The following PARD3B variants were observed in gnomAD, a reference collection of about 807,000 sequenced individuals.
PARD3B encodes the protein par-3 family cell polarity regulator beta.
Under a neutral mutation model 130.2 loss-of-function variants are expected in PARD3B, and 103 were observed. The observed-to-expected ratio is 0.79, with a 90% CI of 0.67 to 0.93. The LOEUF (loss-of-function observed/expected upper bound fraction) is 0.93. Ranked by LOEUF, PARD3B falls within the 40% of genes least tolerant of loss-of-function variation. PARD3B has a pLI of 0.00. For missense variants in PARD3B, 1,609 were observed against 1,499.2 expected, an observed-to-expected ratio of 1.07 and a Z score of -1.21; for synonymous variants, 583 against 553.2, an observed-to-expected ratio of 1.05 and a Z score of -0.76.
At chr2:204,945,749 A>G (rs948161484) in intron 2 of PARD3B, among the ~76,000 whole-genome samples, 2 of 152,198 alleles carry the variant, frequency 1.3e-5, no homozygotes, top group South Asian at 4.1e-4. Flanking sequence ...ACCCAGTACA[A>G]ATATTGGGAA....
In PARD3B at chr2:205,352,930, G is replaced by C. The variant is rs1303843668; in HGVS notation, c.2631-48083G>C. ...CACATCATATGGAGAAAGAACCAAT[G>C]TTTCATCTTTCTGTTTTTCAGAAGT... On this transcript the variant is annotated intron_variant, in intron 18 of 22. Coordinates refer to ENST00000406610, the MANE Select transcript of PARD3B (RefSeq NM_001302769.2). The surrounding 1 kb of genome is among the most constrained non-coding windows in gnomAD (Gnocchi z 5.2). Among the ~76,000 whole-genome samples the C allele has an allele frequency of 2.0e-5, 3 of 152,134 alleles. No individual in the cohort carries two copies. The highest frequency in any genetic ancestry group is 2.9e-5 in the Non-Finnish European group (2 of 68,026).
intron 19 of PARD3B, among the ~76,000 whole-genome samples, chr2:205,412,093 TG>T (rs1458877854): frequency 1.3e-5 from 2 of 151,908 alleles, no homozygotes; most frequent in African/African-American, 4.8e-5. Flanking sequence ...GGGATGAAAA[TG>T]TCCTTTTCTT....
chr2:205,458,761 A>G lies in PARD3B; in HGVS notation c.3044+18089A>G, dbSNP rs577834333. ...CATTTGGTCTTATCTCCTGGTATGCATATTTTTGATCAAATGCTAGACACA... is the reference window on the plus strand; with the variant it reads ...CATTTGGTCTTATCTCCTGGTATGCGTATTTTTGATCAAATGCTAGACACA... On this transcript the variant is annotated intron_variant, in intron 20 of 22. Coordinates refer to ENST00000406610, the MANE Select transcript of PARD3B (RefSeq NM_001302769.2). The surrounding 1 kb of genome is among the most constrained non-coding windows in gnomAD (Gnocchi z 4.8). 5.9e-5 allele frequency among the ~76,000 whole-genome samples: 9 copies of G among 152,244 alleles called. No homozygotes were observed. Among genetic ancestry groups the G allele is most frequent in the African/African-American group, 1.9e-4 (8 of 41,546 alleles).
intron 22 of PARD3B, among the ~76,000 whole-genome samples, chr2:205,565,525 T>C (rs986128592): frequency 6.6e-6 from 1 of 152,218 alleles, no homozygotes; most frequent in African/African-American, 2.4e-5. Context: ...GCCAAGATAA[T>C]GTGAAGACTC....
At chr2:204,628,572 A>G (rs1213190245) in intron 1 of PARD3B, among the ~76,000 whole-genome samples, 1 of 152,168 alleles carries the variant, frequency 6.6e-6, no homozygotes, top group Non-Finnish European at 1.5e-5. Context: ...ACACATAAGC[A>G]ATTATATTCA....
chr2:205,340,495 A>C (rs1201928956), intron 18 of PARD3B, among the ~76,000 whole-genome samples: 1 of 152,084 alleles, frequency 6.6e-6, no homozygotes, highest in Non-Finnish European at 1.5e-5. Context: ...ATATACATTC[A>C]GGAAGGGACA....
chr2:204,979,303 G>A (rs1408189869), intron 3 of PARD3B, among the ~76,000 whole-genome samples: 1 of 152,148 alleles, frequency 6.6e-6, no homozygotes. Flanking sequence ...CTAGAGTAAA[G>A]GCTGGGATGA....
intron 3 of PARD3B, among the ~76,000 whole-genome samples, chr2:205,014,993 C>T (rs763182642): frequency 2.6e-5 from 4 of 152,058 alleles, no homozygotes; most frequent in Admixed American, 6.6e-5. Flanking sequence ...AGTTGACTGT[C>T]GAACAATGTG....
At chr2:205,605,867 A>C (rs1052378589) in intron 22 of PARD3B, among the ~76,000 whole-genome samples, 2 of 152,204 alleles carry the variant, frequency 1.3e-5, no homozygotes, top group East Asian at 3.9e-4. Context: ...CTGCTGATCC[A>C]TGGAGATCAC....
At chr2:204,752,358 C>T (rs993790663) in intron 2 of PARD3B, among the ~76,000 whole-genome samples, 3 of 152,142 alleles carry the variant, frequency 2.0e-5, no homozygotes, top group Non-Finnish European at 4.4e-5. Flanking sequence ...TAAAGTGCCA[C>T]ATAAGTAAGC....
intron 2 of PARD3B, among the ~76,000 whole-genome samples, chr2:204,810,709 C>T (rs2042933543): frequency 6.6e-6 from 1 of 152,034 alleles, no homozygotes; most frequent in African/African-American, 2.4e-5. Flanking sequence ...GTTCAGTTTG[C>T]CAGCATTTTG....
chr2:205,244,928 C>A lies in PARD3B; in HGVS notation c.2141-850C>A, dbSNP rs749490549. ...CCCTGTGTGAACTTCGGATGCTGTTCCTCTTCCAGTTTGGAATGGTTCTTT... is the reference window on the plus strand; with the variant it reads ...CCCTGTGTGAACTTCGGATGCTGTTACTCTTCCAGTTTGGAATGGTTCTTT... On this transcript the variant is annotated intron_variant, in intron 15 of 22. Transcript: ENST00000406610. This position sits in a 1 kb window ranked among gnomAD's most constrained non-coding sequence, Gnocchi z 4.7. 2.0e-5 allele frequency among the ~76,000 whole-genome samples: 3 copies of A among 152,188 alleles called. No homozygotes were observed. Among genetic ancestry groups the A allele is most frequent in the Non-Finnish European group, 2.9e-5 (2 of 68,040 alleles).
At chr2:205,004,581 A>G (rs1575536553) in intron 3 of PARD3B, among the ~76,000 whole-genome samples, 1 of 152,224 alleles carries the variant, frequency 6.6e-6, no homozygotes, top group East Asian at 1.9e-4. Flanking sequence ...AATATTAGGA[A>G]GGCAGAGGAA....
At chr2:205,003,131 G>A (rs1166043764) in intron 3 of PARD3B, among the ~76,000 whole-genome samples, 4 of 152,166 alleles carry the variant, frequency 2.6e-5, no homozygotes, top group Admixed American at 1.3e-4. Flanking sequence ...CTTCAAAGCC[G>A]GCAATGGCCG....
intron 18 of PARD3B, among the ~76,000 whole-genome samples, chr2:205,365,382 G>GA (rs11401922): frequency 0.24 from 33,837 of 143,948 alleles, 5,866 homozygotes; most frequent in African/African-American, 0.5. Context: ...CTCCGTCTCA[G>GA]AAAAAAAAAA....
intron 1 of PARD3B, among the ~76,000 whole-genome samples, chr2:204,585,273 C>A (rs900593424): frequency 1.3e-5 from 2 of 152,156 alleles, no homozygotes; most frequent in Non-Finnish European, 2.9e-5. Context: ...TGTGGTCTTT[C>A]TAATGTACTG....
At position 204,728,042 on chromosome 2, in the gene PARD3B, G is replaced by A. The variant is rs370025924; in HGVS notation, c.222+41760G>A. On this transcript the variant is annotated intron_variant, in intron 2 of 22. Coordinates refer to ENST00000406610, the MANE Select transcript of PARD3B (RefSeq NM_001302769.2). ...GGGCTGGTTTCTGTTTAGCCCTTAG[G>A]GAAGAAAGCCTAAAGGCACTTAGCG... 5.4e-4 allele frequency among the ~76,000 whole-genome samples: 82 copies of A among 152,176 alleles called. 1 individual carries two copies. Among genetic ancestry groups the A allele is most frequent in the African/African-American group, 2.0e-3 (82 of 41,530 alleles).
chr2:205,080,600 G>A (rs556283608), intron 4 of PARD3B, among the ~76,000 whole-genome samples: 16 of 151,972 alleles, frequency 1.1e-4, no homozygotes, highest in Non-Finnish European at 2.2e-4. Context: ...TATCCACTTT[G>A]GGATTATTAA....
chr2:205,439,245 C>T (rs1218589919), intron 19 of PARD3B, among the ~76,000 whole-genome samples: 1 of 152,100 alleles, frequency 6.6e-6, no homozygotes, highest in African/African-American at 2.4e-5. Flanking sequence ...AGATCATTCA[C>T]TTCTAGCCCA....
Sources: allele counts gnomAD v4.1 joint callset (sites outside exome capture counted in the v4.1 genomes callset), GRCh38; gene constraint gnomAD v4.1.1; non-coding constraint Gnocchi (gnomAD v3.1); transcripts MANE v1.5; gene names NCBI Gene and HGNC (gene_info 2026-07-23, HGNC 2026-07-21).